Variants in MAGI2 observed in about 807,000 individuals in gnomAD.
MAGI2 encodes membrane-associated guanylate kinase, WW and PDZ domain-containing protein 2.
In MAGI2, 35 loss-of-function variants were observed where a neutral mutation model predicts 133.3. The ratio of observed to expected loss-of-function variants is 0.26; its 90% CI spans 0.20 to 0.35. The LOEUF (loss-of-function observed/expected upper bound fraction) is 0.35. Ranked by LOEUF, MAGI2 falls within the 10% of genes least tolerant of loss-of-function variation. MAGI2 has a pLI of 1.00. For missense variants in MAGI2, 1,636 were observed against 1,863.4 expected, an observed-to-expected ratio of 0.88 and a Z score of 2.25; for synonymous variants, 729 against 710.6, an observed-to-expected ratio of 1.03 and a Z score of -0.41.
intron 9 of MAGI2, among the ~76,000 whole-genome samples, chr7:78,297,521 C>A (rs1797383416): frequency 6.6e-6 from 1 of 150,390 alleles, no homozygotes; most frequent in Non-Finnish European, 1.5e-5. Context: ...TATAAAGACA[C>A]ATGCACACGT....
intron 10 of MAGI2, among the ~76,000 whole-genome samples, chr7:78,236,068 G>C (rs1019470575): frequency 6.7e-6 from 1 of 150,142 alleles, no homozygotes; most frequent in African/African-American, 2.5e-5. Context: ...CTGTCGTATG[G>C]AAGGATTTAC....
chr7:78,169,269 A>G (rs553381815), intron 14 of MAGI2, among the ~76,000 whole-genome samples: 6 of 152,224 alleles, frequency 3.9e-5, no homozygotes, highest in Admixed American at 1.3e-4. Context: ...CATGACCAAT[A>G]GGTCCCCCTT....
At chr7:78,499,307 C>T (rs185601567) in intron 5 of MAGI2, among the ~76,000 whole-genome samples, 17 of 152,308 alleles carry the variant, frequency 1.1e-4, no homozygotes, top group East Asian at 3.9e-4. Flanking sequence ...ACCTTCTCTG[C>T]GGTGCCCCTT....
At chr7:78,909,953 C>T (rs1214156827) in intron 2 of MAGI2, among the ~76,000 whole-genome samples, 2 of 152,122 alleles carry the variant, frequency 1.3e-5, no homozygotes, top group African/African-American at 4.8e-5. Context: ...TACTATGCAG[C>T]CATGAAAAGG....
At chr7:79,011,210 C>G (rs972227913) in intron 1 of MAGI2, 7 of 152,102 alleles carry the variant, frequency 4.6e-5, no homozygotes, top group African/African-American at 1.7e-4. Context: ...AACTGGGCTG[C>G]ATTTCTAAGG....
At chr7:79,441,106 C>T (rs1362915596) in intron 1 of MAGI2, among the ~76,000 whole-genome samples, 1 of 152,198 alleles carries the variant, frequency 6.6e-6, no homozygotes, top group Non-Finnish European at 1.5e-5. Context: ...GATGGAATTA[C>T]CTTGCTTGAT....
chr7:79,263,597 A>C (rs1013248042), intron 1 of MAGI2, among the ~76,000 whole-genome samples: 5 of 152,192 alleles, frequency 3.3e-5, no homozygotes, highest in African/African-American at 1.2e-4. Context: ...TTATCACTTC[A>C]ATATATTTAT....
chr7:78,925,541 A>C (rs1799629752), intron 2 of MAGI2, among the ~76,000 whole-genome samples: 1 of 152,062 alleles, frequency 6.6e-6, no homozygotes. Context: ...CTGTATGGTC[A>C]AAACCATATG....
At chr7:78,869,636 A>C (rs970752210) in intron 2 of MAGI2, among the ~76,000 whole-genome samples, 3 of 152,220 alleles carry the variant, frequency 2.0e-5, no homozygotes, top group African/African-American at 7.2e-5. Flanking sequence ...TTATGTCTTC[A>C]CAAGGCAGCA....
intron 7 of MAGI2, among the ~76,000 whole-genome samples, chr7:78,361,141 A>G (rs1388888033): frequency 3.9e-5 from 6 of 152,158 alleles, no homozygotes; most frequent in African/African-American, 1.4e-4. Flanking sequence ...CACTCCTGTA[A>G]TCCTAGCACT....
chr7:78,122,642 A>T (rs1489869916), intron 20 of MAGI2, among the ~76,000 whole-genome samples: 1 of 152,178 alleles, frequency 6.6e-6, no homozygotes, highest in African/African-American at 2.4e-5. Flanking sequence ...TGGAAATGCG[A>T]ACTATATTAC....
At chr7:78,363,213 G>A (rs905099419) in intron 7 of MAGI2, among the ~76,000 whole-genome samples, 4 of 152,186 alleles carry the variant, frequency 2.6e-5, no homozygotes, top group African/African-American at 9.7e-5. Context: ...TTCTGAGGAG[G>A]CCGGCCGCGG....
At chr7:78,123,368 A>G (rs1459843304) in intron 20 of MAGI2, among the ~76,000 whole-genome samples, 2 of 152,288 alleles carry the variant, frequency 1.3e-5, no homozygotes, top group East Asian at 3.9e-4. Flanking sequence ...AACTAACCCT[A>G]TATACACTGT....
intron 7 of MAGI2, among the ~76,000 whole-genome samples, chr7:78,357,745 C>A (rs1792237806): frequency 6.6e-6 from 1 of 152,110 alleles, no homozygotes. Context: ...CAACAAAGAG[C>A]CTTTTTTTTT....
intron 9 of MAGI2, among the ~76,000 whole-genome samples, chr7:78,333,597 GC>G (rs1427357029): frequency 3.3e-5 from 5 of 152,320 alleles, no homozygotes; most frequent in African/African-American, 1.2e-4. Flanking sequence ...GTGATACTGT[GC>G]AGGATCCAGC....
At chr7:79,077,218 T>C (rs1406106069) in intron 1 of MAGI2, among the ~76,000 whole-genome samples, 1 of 152,158 alleles carries the variant, frequency 6.6e-6, no homozygotes, top group Non-Finnish European at 1.5e-5. Flanking sequence ...ATCTGATTCT[T>C]GGTTCTGAAC....
At chr7:79,377,522 G>A (rs848928) in intron 1 of MAGI2, among the ~76,000 whole-genome samples, 44,817 of 151,666 alleles carry the variant, frequency 0.3, 6,861 homozygotes, top group African/African-American at 0.34. Flanking sequence ...ATGAAGCCAC[G>A]TTCTTACATT....
intron 10 of MAGI2, among the ~76,000 whole-genome samples, chr7:78,239,408 T>C (rs928834309): frequency 3.3e-5 from 5 of 151,964 alleles, no homozygotes; most frequent in African/African-American, 1.2e-4. Context: ...ACTAGACAAA[T>C]AGGGTTATAT....
At chr7:79,255,781 G>T (rs914353944) in intron 1 of MAGI2, among the ~76,000 whole-genome samples, 1 of 151,666 alleles carries the variant, frequency 6.6e-6, no homozygotes, top group African/African-American at 2.4e-5. Flanking sequence ...AATAATAAAG[G>T]TTATAATTTT....
Sources: gnomAD v4.1 joint callset for allele counts (sites outside exome capture counted in the v4.1 genomes callset) on GRCh38, gnomAD v4.1.1 for gene constraint, MANE v1.5 for transcripts, NCBI Gene and HGNC (gene_info 2026-07-23, HGNC 2026-07-21) for gene names.